The following ZFAND3 variants were observed in gnomAD, a reference collection of about 807,000 sequenced individuals.
ZFAND3 encodes the protein AN1-type zinc finger protein 3.
ZFAND3 carries 10 observed loss-of-function variants against 29.6 expected under a neutral mutation model. The ratio of observed to expected loss-of-function variants is 0.34; its 90% CI spans 0.21 to 0.57. ZFAND3 has a LOEUF of 0.57. Ranked by LOEUF, ZFAND3 falls within the 20% of genes least tolerant of loss-of-function variation. The pLI is 0.86. For synonymous variants in ZFAND3, 128 were observed against 112.6 expected (o/e 1.14, Z -0.87); for missense variants, 230 against 304.5 (o/e 0.76, Z 1.82).
intron 5 of ZFAND3, among the ~76,000 whole-genome samples, chr6:38,140,516 G>T (rs1489818859): frequency 6.6e-6 from 1 of 152,110 alleles, no homozygotes; most frequent in Non-Finnish European, 1.5e-5. Context: ...TTGAGACAGG[G>T]TCTTGGTCTT....
intron 1 of ZFAND3, among the ~76,000 whole-genome samples, chr6:37,852,813 T>C (rs185815393): frequency 1.3e-3 from 198 of 152,016 alleles, no homozygotes; most frequent in African/African-American, 4.6e-3. Flanking sequence ...CCTCCTGGGT[T>C]CAAGCAGTTC....
At chr6:38,013,096 T>G (rs192848168) in intron 2 of ZFAND3, among the ~76,000 whole-genome samples, 3 of 152,392 alleles carry the variant, frequency 2.0e-5, no homozygotes, top group Admixed American at 1.3e-4. Flanking sequence ...GAAGACTCAC[T>G]GATCACCTCT....
At chr6:38,012,814 A>G (rs1763182135) in intron 2 of ZFAND3, among the ~76,000 whole-genome samples, 1 of 152,132 alleles carries the variant, frequency 6.6e-6, no homozygotes, top group South Asian at 2.1e-4. Flanking sequence ...GGCTGCTCTG[A>G]CCATATTGCA....
chr6:38,077,203 A>T (rs1422870402), intron 3 of ZFAND3, among the ~76,000 whole-genome samples: 1 of 148,754 alleles, frequency 6.7e-6, no homozygotes, highest in Non-Finnish European at 1.5e-5. Context: ...GCTTAGGAGG[A>T]AAAAAAAAAG....
rs892398810 is a variant in ZFAND3 at position 38,001,746 on chromosome 6, T to G, written c.113-59847T>G. Among the ~76,000 whole-genome samples the G allele has an allele frequency of 4.6e-4, 70 of 152,284 alleles. 3 individuals are homozygous for G. The highest frequency in any genetic ancestry group is 2.2e-4 in the Non-Finnish European group (15 of 68,022). On this transcript the variant is annotated intron_variant, in intron 2 of 5. Transcript: ENST00000287218. ...TGGAAAACCTCTTTCAGAACATGGATAAACATGTATTTGTGCATTCCCATA... is the reference window on the plus strand; with the variant it reads ...TGGAAAACCTCTTTCAGAACATGGAGAAACATGTATTTGTGCATTCCCATA...
At chr6:38,067,571 T>G (rs1381752967) in intron 3 of ZFAND3, among the ~76,000 whole-genome samples, 1 of 152,214 alleles carries the variant, frequency 6.6e-6, no homozygotes, top group Non-Finnish European at 1.5e-5. Context: ...AATAAAACAT[T>G]TCTTTCTGCT....
intron 2 of ZFAND3, among the ~76,000 whole-genome samples, chr6:38,020,393 A>G (rs2645142): frequency 1 from 151,590 of 152,270 alleles, 75,457 homozygotes; most frequent in Middle Eastern, 1. Flanking sequence ...GTTAAAAAAA[A>G]AAACATGTTT....
At chr6:37,971,858 C>T (rs149983933) in intron 2 of ZFAND3, among the ~76,000 whole-genome samples, 9,417 of 149,250 alleles carry the variant, frequency 0.063, 421 homozygotes, top group Middle Eastern at 0.093. Context: ...AAAATTAGCC[C>T]AGTATGGTGG....
At chr6:37,881,012 A>T (rs867881439) in intron 1 of ZFAND3, among the ~76,000 whole-genome samples, 12 of 115,502 alleles carry the variant, frequency 1.0e-4, no homozygotes, top group East Asian at 6.4e-4. Flanking sequence ...AGAGTATAAA[A>T]AAAAAAAAAA....
chr6:38,000,381 C>T (rs912954831), intron 2 of ZFAND3, among the ~76,000 whole-genome samples: 1 of 152,100 alleles, frequency 6.6e-6, no homozygotes. Context: ...CATTCTTATA[C>T]TGCTAATAAA....
chr6:37,867,527 C>G (rs1764610824), intron 1 of ZFAND3, among the ~76,000 whole-genome samples: 1 of 151,990 alleles, frequency 6.6e-6, no homozygotes, highest in Non-Finnish European at 1.5e-5. Context: ...CTGTGGCACC[C>G]CTATTTAAGG....
At chr6:38,043,540 C>T (rs1228904631) in intron 2 of ZFAND3, among the ~76,000 whole-genome samples, 1 of 150,356 alleles carries the variant, frequency 6.7e-6, no homozygotes, top group African/African-American at 2.5e-5. Flanking sequence ...CCCCTCTCCC[C>T]TTTTCTCCCC....
chr6:38,089,611 G>A (rs1442301371), intron 4 of ZFAND3, among the ~76,000 whole-genome samples: 3 of 152,184 alleles, frequency 2.0e-5, no homozygotes, highest in Non-Finnish European at 2.9e-5. Context: ...GTTTATATGA[G>A]ATTTTTAGAA....
At chr6:38,007,607 T>TA (rs1763073472) in intron 2 of ZFAND3, among the ~76,000 whole-genome samples, 1 of 152,180 alleles carries the variant, frequency 6.6e-6, no homozygotes, top group Non-Finnish European at 1.5e-5. Flanking sequence ...ATCAAGTAGT[T>TA]ATAATTAACT....
Position 38,152,932 on chromosome 6 carries a change from ACTCT to A in ZFAND3, c.*545_*548del. 1 of 985,298 alleles carries A rather than the reference ACTCT, an allele frequency of 1.0e-6. No individual in the cohort carries two copies. Among genetic ancestry groups the A allele is most frequent in the Non-Finnish European group, 1.2e-6 (1 of 829,844 alleles). The allele number at this position is 985,298 out of a possible 1,614,324, so 61.0% of individuals were successfully genotyped here. A position where few individuals can be genotyped will look rare whatever the true frequency, so the allele number is the denominator to read the frequency against. On this transcript the variant is annotated 3_prime_UTR_variant, in exon 6 of 6. Transcript: ENST00000287218. ...CGTGGCTGGGCTGGGTGGTGGCCTC[ACTCT>A]CCCACAGAGCTGGAAATGGGGGGTG...
intron 1 of ZFAND3, among the ~76,000 whole-genome samples, chr6:37,829,789 A>T (rs1763827592): frequency 6.6e-6 from 1 of 152,176 alleles, no homozygotes; most frequent in Non-Finnish European, 1.5e-5. Context: ...TGTAAGGCTG[A>T]TGATCTTCTT....
intron 5 of ZFAND3, among the ~76,000 whole-genome samples, chr6:38,133,768 T>C (rs1765789241): frequency 6.6e-6 from 1 of 151,218 alleles, no homozygotes; most frequent in Non-Finnish European, 1.5e-5. Flanking sequence ...AAAAAGAGCA[T>C]CATTGGACAA....
intron 2 of ZFAND3, among the ~76,000 whole-genome samples, chr6:38,037,156 C>A (rs1222500033): frequency 6.6e-6 from 1 of 152,154 alleles, no homozygotes; most frequent in African/African-American, 2.4e-5. Flanking sequence ...AATAGATATC[C>A]CTTGGCCATG....
chr6:37,837,163 A>T (rs1276280389), intron 1 of ZFAND3, among the ~76,000 whole-genome samples: 1 of 152,192 alleles, frequency 6.6e-6, no homozygotes, highest in Non-Finnish European at 1.5e-5. Context: ...CAGTATATAT[A>T]TAGGAAAAAT....
Sources: allele counts gnomAD v4.1 joint callset (sites outside exome capture counted in the v4.1 genomes callset), GRCh38; gene constraint gnomAD v4.1.1; transcripts MANE v1.5; gene names NCBI Gene and HGNC (gene_info 2026-07-23, HGNC 2026-07-21).